Variants in CD99L2 observed in about 807,000 individuals in gnomAD.
CD99L2 encodes the protein CD99 molecule like 2.
Under a neutral mutation model 27.3 loss-of-function variants are expected in CD99L2, and 24 were observed. That is an observed-to-expected ratio of 0.88 (90% CI 0.64 to 1.24). The LOEUF (loss-of-function observed/expected upper bound fraction) is 1.24, where lower values mean the gene tolerates loss of function less well. Among genes scored for constraint, CD99L2 ranks in the 50% most tolerant of loss-of-function variants. The pLI is 0.00. For missense variants in CD99L2, 255 were observed against 221.6 expected (o/e 1.15, Z -0.96); for synonymous variants, 97 against 87.9 (o/e 1.10, Z -0.58).
intron 2 of CD99L2, 118 bp from the exon 3 acceptor site, chrX:150,816,196 C>T (rs1387521941): frequency 3.1e-6 from 2 of 647,463 alleles, no homozygotes; most frequent in Non-Finnish European, 5.0e-6. Context: ...GTCCTTGAGG[C>T]CCCTCTAGCT....
At chrX:150,865,542 C>A (rs1272638026) in intron 1 of CD99L2, among the ~76,000 whole-genome samples, 1 of 111,458 alleles carries the variant, frequency 9.0e-6, no homozygotes, top group Non-Finnish European at 1.9e-5. Flanking sequence ...AGGGGTCTTG[C>A]ACACCTTCCA....
intron 1 of CD99L2, among the ~76,000 whole-genome samples, chrX:150,866,058 G>A (rs1003267402): frequency 1.8e-5 from 2 of 112,222 alleles, no homozygotes; most frequent in Non-Finnish European, 3.8e-5. Flanking sequence ...GGGTGGTGGA[G>A]GCTGTGGTGA....
chrX:150,803,161 T>C (rs1310438614), intron 4 of CD99L2, among the ~76,000 whole-genome samples: 1 of 111,344 alleles, frequency 9.0e-6, no homozygotes, highest in Non-Finnish European at 1.9e-5. Flanking sequence ...CCCAAAGTGC[T>C]GGGATTACGG....
chrX:150,777,158 C>G (rs1183096645), intron 8 of CD99L2: 1 of 379,572 alleles, frequency 2.6e-6, no homozygotes, highest in Admixed American at 4.9e-5. Context: ...GCTCTCTCTC[C>G]CTCTGTAAAG....
chrX:150,834,683 A>G (rs782051027), intron 1 of CD99L2, among the ~76,000 whole-genome samples: 2 of 112,068 alleles, frequency 1.8e-5, no homozygotes, highest in South Asian at 7.4e-4. Context: ...TCCTCAAAAA[A>G]ACAAAAAATG....
intron 2 of CD99L2, among the ~76,000 whole-genome samples, chrX:150,827,661 T>A (rs781977453): frequency 9.0e-6 from 1 of 111,649 alleles, no homozygotes; most frequent in South Asian, 3.8e-4. Flanking sequence ...TTCCTGGGGA[T>A]CTAAGAGGAC....
chrX:150,881,615 A>T (rs1386835902), intron 1 of CD99L2, among the ~76,000 whole-genome samples: 1 of 112,241 alleles, frequency 8.9e-6, no homozygotes, highest in Non-Finnish European at 1.9e-5. Flanking sequence ...ACTGACCAGG[A>T]ATGGTGATCT....
At chrX:150,796,782 T>C (rs782360490) in intron 4 of CD99L2, among the ~76,000 whole-genome samples, 2 of 112,301 alleles carry the variant, frequency 1.8e-5, no homozygotes, top group South Asian at 7.3e-4. Flanking sequence ...AGTATTGAAA[T>C]TATGCAGAGA....
chrX:150,785,976 C>T (rs986139497), intron 7 of CD99L2, among the ~76,000 whole-genome samples: 2 of 111,329 alleles, frequency 1.8e-5, no homozygotes, highest in Non-Finnish European at 3.8e-5. Context: ...TTGTTGGAAG[C>T]GGGCAGAACA....
Position 150,767,328 on chromosome X carries a change from A to AGG in CD99L2, c.*1704_*1705dup, listed in dbSNP as rs1356331180. On this transcript the variant is annotated 3_prime_UTR_variant, in exon 11 of 11. Coordinates refer to ENST00000370377, the MANE Select transcript of CD99L2 (RefSeq NM_031462.4). ...GAAGCATGGGAAGCTTCTCGAGACC[A>AGG]GGCCAAGGTTTCTTTCCTTCATGGC... is the stretch of plus-strand genomic sequence containing the variant. 1 of 112,219 alleles carries AGG rather than the reference A, an allele frequency of 8.9e-6. No homozygotes were observed. The highest frequency in any genetic ancestry group is 1.9e-5 in the Non-Finnish European group (1 of 53,245). The allele number at this position is 112,219 out of a possible 1,213,427, so 9.2% of individuals were successfully genotyped here.
At chrX:150,892,727 A>G (rs1361381961) in intron 1 of CD99L2, among the ~76,000 whole-genome samples, 2 of 110,914 alleles carry the variant, frequency 1.8e-5, no homozygotes, top group Non-Finnish European at 3.8e-5. Context: ...CTGAGCAGAC[A>G]AAATGGGCCT....
chrX:150,895,038 CTG>C (rs1400132480), intron 1 of CD99L2, among the ~76,000 whole-genome samples: 1 of 111,921 alleles, frequency 8.9e-6, no homozygotes, highest in Non-Finnish European at 1.9e-5. Flanking sequence ...CTAAACCTCT[CTG>C]GGCCCCATAT....
At position 150,768,369 on chromosome X, in the gene CD99L2, G is replaced by A. The variant is rs1308173344; in HGVS notation, c.*665C>T. The A allele has an allele frequency of 8.9e-6, 1 of 112,853 alleles. No homozygotes were observed. Among genetic ancestry groups the A allele is most frequent in the Non-Finnish European group, 1.9e-5 (1 of 53,369 alleles). 9.3% of individuals were successfully genotyped at this position (112,853 alleles called of 1,213,427 possible). ...GGAAGATTCCTAAGCTCTCAAGGCAGGACTATCACGAGATGCATGTTTGTA... is the reference window on the plus strand; with the variant it reads ...GGAAGATTCCTAAGCTCTCAAGGCAAGACTATCACGAGATGCATGTTTGTA... On this transcript the variant is annotated 3_prime_UTR_variant, in exon 11 of 11. Transcript: ENST00000370377.
intron 1 of CD99L2, among the ~76,000 whole-genome samples, chrX:150,853,851 C>G (rs1557421665): frequency 8.9e-6 from 1 of 111,888 alleles, no homozygotes; most frequent in Non-Finnish European, 1.9e-5. Flanking sequence ...CCCCATTTGG[C>G]AATCACTGCT....
chrX:150,882,606 C>T (rs1430078790), intron 1 of CD99L2, among the ~76,000 whole-genome samples: 2 of 110,217 alleles, frequency 1.8e-5, no homozygotes, highest in East Asian at 2.9e-4. Context: ...ACCCGGGAGG[C>T]GGAAGTTGCA....
chrX:150,814,887 G>A lies in CD99L2; in HGVS notation c.252C>T (p.Arg84=). 4 of 1,210,738 alleles carry A rather than the reference G, an allele frequency of 3.3e-6. No homozygotes were observed. The highest frequency in any genetic ancestry group is 4.5e-6 in the Non-Finnish European group (4 of 894,850). ...CTCTTCCTCCTATACCCGGTTTCCT[G>A]CGGCCATCATCTTGATCATCCAAAG... ...ADALDDQDDG[R]RKPGIGGRER... The change falls in exon 4 of 11, where the codon CGC becomes CGT. Residue 84 remains arginine (R), a synonymous_variant. Transcript: ENST00000370377.
At chrX:150,880,564 G>T (rs1557422468) in intron 1 of CD99L2, among the ~76,000 whole-genome samples, 1 of 111,549 alleles carries the variant, frequency 9.0e-6, no homozygotes, top group African/African-American at 3.3e-5. Flanking sequence ...AAATGGGAGG[G>T]GCTGGTAAGG....
chrX:150,831,409 A>T, intron 1 of CD99L2, 116 bp from the exon 2 acceptor site: 1 of 603,878 alleles, frequency 1.7e-6, no homozygotes, highest in Non-Finnish European at 2.5e-6. Context: ...AAGGTATTCC[A>T]TGCAAATAGA....
At chrX:150,792,923 C>T (rs901198268) in intron 7 of CD99L2, among the ~76,000 whole-genome samples, 1 of 111,912 alleles carries the variant, frequency 8.9e-6, no homozygotes, top group Non-Finnish European at 1.9e-5. Context: ...ACTATCTGGC[C>T]TTGGGGAGGA....
Sources: gnomAD v4.1 joint callset for allele counts (sites outside exome capture counted in the v4.1 genomes callset) on GRCh38, gnomAD v4.1.1 for gene constraint, MANE v1.5 for transcripts, NCBI Gene and HGNC (gene_info 2026-07-23, HGNC 2026-07-21) for gene names.